The following BBX variants were observed in gnomAD, a reference collection of about 807,000 sequenced individuals.
The protein encoded by BBX is HMG box transcription factor BBX.
In BBX, 30 loss-of-function variants were observed where a neutral mutation model predicts 100.2. The observed-to-expected ratio is 0.30, with a 90% CI of 0.22 to 0.41. BBX has a LOEUF of 0.41. BBX is among the 10% of genes least tolerant of loss of function. The pLI, the probability that BBX is intolerant of heterozygous loss-of-function variation, is 1.00. For synonymous variants in BBX, 376 were observed against 388.1 expected, an observed-to-expected ratio of 0.97 and a Z score of 0.37; for missense variants, 1,023 against 1,129.8, an observed-to-expected ratio of 0.91 and a Z score of 1.35.
chr3:107,703,468 G>A (rs2061206197), intron 3 of BBX, among the ~76,000 whole-genome samples: 1 of 152,136 alleles, frequency 6.6e-6, no homozygotes, highest in African/African-American at 2.4e-5. Flanking sequence ...GTGGAGTGCA[G>A]GTATTAGAGA....
intron 2 of BBX, among the ~76,000 whole-genome samples, chr3:107,589,025 C>T (rs2053079697): frequency 6.6e-6 from 1 of 152,168 alleles, no homozygotes; most frequent in Non-Finnish European, 1.5e-5. Flanking sequence ...GGATATGTTA[C>T]ACCTACTTAG....
intron 2 of BBX, among the ~76,000 whole-genome samples, chr3:107,626,806 C>T (rs938153536): frequency 6.6e-6 from 1 of 152,026 alleles, no homozygotes; most frequent in Non-Finnish European, 1.5e-5. Context: ...AGGCACCCAC[C>T]ACCACGGCTG....
At chr3:107,556,508 C>T (rs1451274951) in intron 2 of BBX, among the ~76,000 whole-genome samples, 2 of 152,054 alleles carry the variant, frequency 1.3e-5, no homozygotes, top group Non-Finnish European at 2.9e-5. Flanking sequence ...TACCTGGTAC[C>T]TTTCTGCAGT....
intron 2 of BBX, among the ~76,000 whole-genome samples, chr3:107,639,530 T>G (rs1265945180): frequency 6.6e-6 from 1 of 152,192 alleles, no homozygotes; most frequent in Non-Finnish European, 1.5e-5. Context: ...GGCAAACATG[T>G]TTTTATACCC....
At chr3:107,530,384 CCAAAACAAAACAAAA>C (rs56337631) in intron 2 of BBX, among the ~76,000 whole-genome samples, 12 of 149,804 alleles carry the variant, frequency 8.0e-5, no homozygotes, top group African/African-American at 2.2e-4. Flanking sequence ...GACTCTGTCT[CCAAAACAAAACAAAA>C]CAAAACAAAA....
rs138272410 is a variant in BBX at position 107,763,853 on chromosome 3, G to A, written c.906+8175G>A. Among the ~76,000 whole-genome samples the A allele has an allele frequency of 3.0e-3, 449 of 152,154 alleles. 5 individuals carry two copies. The highest frequency in any genetic ancestry group is 0.01 in the African/African-American group (415 of 41,500). On this transcript the variant is annotated intron_variant, in intron 10 of 17. Transcript: ENST00000325805. ...ACAAAACACTGAGAAACCTCAGTGC[G>A]ATTTTTATTGACAGAGGTAATATTA...
intron 17 of BBX, among the ~76,000 whole-genome samples, chr3:107,804,409 G>A (rs530945022): frequency 1.8e-4 from 27 of 152,280 alleles, no homozygotes; most frequent in Admixed American, 5.9e-4. Flanking sequence ...ACCATTGTAG[G>A]TTACAGAGCA....
At chr3:107,564,038 A>T in intron 2 of BBX, among the ~76,000 whole-genome samples, 1 of 151,006 alleles carries the variant, frequency 6.6e-6, no homozygotes, top group Non-Finnish European at 1.5e-5. Context: ...ATTTTCCTAT[A>T]CCTTTGAAAA....
At chr3:107,697,313 C>T (rs913322151) in intron 3 of BBX, among the ~76,000 whole-genome samples, 6 of 151,752 alleles carry the variant, frequency 4.0e-5, no homozygotes, top group African/African-American at 1.5e-4. Context: ...TCTGTTTTTT[C>T]CCCATCTTTG....
At chr3:107,555,124 T>C (rs1376093048) in intron 2 of BBX, among the ~76,000 whole-genome samples, 1 of 152,190 alleles carries the variant, frequency 6.6e-6, no homozygotes, top group Non-Finnish European at 1.5e-5. Context: ...TTCTACTTTA[T>C]TTTCATAGTA....
intron 3 of BBX, among the ~76,000 whole-genome samples, chr3:107,663,571 A>C (rs928433192): frequency 6.6e-6 from 1 of 152,028 alleles, no homozygotes; most frequent in Non-Finnish European, 1.5e-5. Context: ...TCTCATACTT[A>C]TGTACCCCCT....
At chr3:107,528,907 A>G (rs1305219834) in intron 2 of BBX, among the ~76,000 whole-genome samples, 1 of 152,228 alleles carries the variant, frequency 6.6e-6, no homozygotes, top group East Asian at 1.9e-4. Context: ...TACATTTCAT[A>G]AAGAACATGG....
At chr3:107,755,510 T>G (rs777561728) in intron 9 of BBX, 88 bp from the exon 10 acceptor site, 85 of 1,176,786 alleles carry the variant, frequency 7.2e-5, no homozygotes, top group Non-Finnish European at 1.0e-4. Flanking sequence ...CTCTCGTAAC[T>G]AAGAAAAATT....
intron 3 of BBX, among the ~76,000 whole-genome samples, chr3:107,659,384 TA>T (rs913501857): frequency 1.3e-5 from 2 of 152,056 alleles, no homozygotes; most frequent in Non-Finnish European, 2.9e-5. Context: ...ATATTTATAT[TA>T]ACTAGAGTTC....
At chr3:107,674,637 C>G (rs146327173) in intron 3 of BBX, among the ~76,000 whole-genome samples, 33 of 152,302 alleles carry the variant, frequency 2.2e-4, no homozygotes, top group Admixed American at 1.5e-3. Context: ...TGTGTACTTG[C>G]ATGTTTGAAA....
chr3:107,524,530 T>G (rs1244583755), intron 1 of BBX: 1 of 144,898 alleles, frequency 6.9e-6, no homozygotes, highest in Non-Finnish European at 1.5e-5. Context: ...CACGTTTATG[T>G]GTGAAATAGC....
intron 2 of BBX, among the ~76,000 whole-genome samples, chr3:107,551,006 A>G (rs2049624870): frequency 6.6e-6 from 1 of 152,234 alleles, no homozygotes; most frequent in African/African-American, 2.4e-5. Context: ...ATTTCCTGGA[A>G]CAACTTTTTT....
chr3:107,800,524 A>C (rs1056341988), intron 16 of BBX, among the ~76,000 whole-genome samples: 2 of 152,226 alleles, frequency 1.3e-5, no homozygotes, highest in African/African-American at 4.8e-5. Context: ...CTTGCACAGC[A>C]TTTCATCCAC....
intron 2 of BBX, among the ~76,000 whole-genome samples, chr3:107,583,310 C>T (rs946379575): frequency 6.6e-6 from 1 of 151,954 alleles, no homozygotes; most frequent in African/African-American, 2.4e-5. Flanking sequence ...TGCAGATCAG[C>T]TGCTCAACTG....
Sources: gnomAD v4.1 joint callset for allele counts (sites outside exome capture counted in the v4.1 genomes callset) on GRCh38, gnomAD v4.1.1 for gene constraint, MANE v1.5 for transcripts, NCBI Gene and HGNC (gene_info 2026-07-23, HGNC 2026-07-21) for gene names.